FA2H: variants seen among roughly 807,000 people sequenced by gnomAD.
FA2H encodes fatty acid 2-hydroxylase.
Under a neutral mutation model 44.9 loss-of-function variants are expected in FA2H, and 22 were observed. That is an observed-to-expected ratio of 0.49 (90% CI 0.35 to 0.70). The LOEUF (loss-of-function observed/expected upper bound fraction) is 0.70, where lower values mean the gene tolerates loss of function less well. Among genes scored for constraint, FA2H ranks in the 30% least tolerant of loss-of-function variants. The pLI, the probability that FA2H is intolerant of heterozygous loss-of-function variation, is 0.01. For synonymous variants in FA2H, 243 were observed against 213.2 expected (o/e 1.14, Z -1.22); for missense variants, 501 against 504.9 (o/e 0.99, Z 0.07).
chr16:74,741,205 T>A (rs1962288221), intron 1 of FA2H: 1 of 152,204 alleles, frequency 6.6e-6, no homozygotes, highest in African/African-American at 2.4e-5. Flanking sequence ...GCCTTCTCTG[T>A]GTCCTTGTGA....
At chr16:74,753,422 C>T (rs1962563096) in intron 1 of FA2H, among the ~76,000 whole-genome samples, 1 of 152,172 alleles carries the variant, frequency 6.6e-6, no homozygotes, top group Non-Finnish European at 1.5e-5. Flanking sequence ...CGAGGTGGCT[C>T]ATGCCTCCCA....
In FA2H at chr16:74,727,258, G is replaced by A. The variant is rs1961979034; in HGVS notation, c.492C>T (p.Leu164=). ...RLFHSDLIEG[L]SKTVWYSVPI... is the part of the protein sequence containing the mutation. ...GAAGAGCTCACCAGACAGTCTTAGAGAGGCCCTCAATGAGGTCTGAGTGGA... is the reference window on the plus strand; with the variant it reads ...GAAGAGCTCACCAGACAGTCTTAGAAAGGCCCTCAATGAGGTCTGAGTGGA... The change falls in exon 3 of 7, where the codon CTC becomes CTT. Residue 164 remains leucine, a synonymous_variant. Coordinates refer to ENST00000219368, the MANE Select transcript of FA2H (RefSeq NM_024306.5). 1 of 1,614,106 alleles carries A rather than the reference G, an allele frequency of 6.2e-7. No individual in the cohort carries two copies.
At chr16:74,728,402 C>T (rs935730875) in intron 2 of FA2H, among the ~76,000 whole-genome samples, 4 of 151,918 alleles carry the variant, frequency 2.6e-5, no homozygotes, top group African/African-American at 4.8e-5. Context: ...TCACGGTAGG[C>T]GAGGAGGGCT....
chr16:74,774,488 G>C lies in FA2H; in HGVS notation c.268C>G (p.Gln90Glu), dbSNP rs2144672216. ...YYVGELRGEQ[Q>E]GSMENEPVAL... ...GGGGGGCCCCGGCCCGGCTGTACCT[G>C]CTGCTCCCCGCGGAGCTCTCCCACG... is the stretch of plus-strand genomic sequence containing the variant. Residue 90 changes from glutamine (Q) to glutamate (E), a missense_variant and splice_region_variant, in exon 1 of 7, where the codon CAG becomes GAG. By Grantham distance (29) the Gln-to-Glu change is conservative. Coordinates refer to ENST00000219368, the MANE Select transcript of FA2H (RefSeq NM_024306.5). 1 of 1,515,666 alleles carries C rather than the reference G, an allele frequency of 6.6e-7. No individual in the cohort carries two copies. The allele number at this position is 1,515,666 out of a possible 1,614,324, so 93.9% of individuals were successfully genotyped here.
intron 5 of FA2H, among the ~76,000 whole-genome samples, chr16:74,717,261 TGAGAA>T (rs1356713835): frequency 1.3e-5 from 2 of 152,084 alleles, no homozygotes; most frequent in Non-Finnish European, 2.9e-5. Flanking sequence ...GTGAGGAGTC[TGAGAA>T]GAGAATCCTG....
chr16:74,764,837 T>C (rs142388154), intron 1 of FA2H, among the ~76,000 whole-genome samples: 306 of 152,220 alleles, frequency 2.0e-3, no homozygotes, highest in Non-Finnish European at 3.3e-3. Flanking sequence ...TAAACAGGAC[T>C]AGAAACCCAG....
chr16:74,763,360 C>A (rs569544947), intron 1 of FA2H, among the ~76,000 whole-genome samples: 3 of 152,084 alleles, frequency 2.0e-5, no homozygotes, highest in Admixed American at 6.6e-5. Context: ...CAGGTTCAAG[C>A]AATTCTCGTA....
intron 1 of FA2H, among the ~76,000 whole-genome samples, chr16:74,772,104 G>A (rs561202629): frequency 3.3e-5 from 5 of 151,988 alleles, no homozygotes; most frequent in Non-Finnish European, 7.4e-5. Context: ...CACAGCCTAC[G>A]AAGCCCCGTG....
chr16:74,716,727 T>A, intron 5 of FA2H, 128 bp from the exon 6 acceptor site: 2 of 1,099,558 alleles, frequency 1.8e-6, no homozygotes, highest in South Asian at 1.7e-5. Flanking sequence ...GCTTGGCACC[T>A]TTGGTGGCTT....
At chr16:74,724,728 A>G (rs1232023202) in intron 4 of FA2H, among the ~76,000 whole-genome samples, 1 of 152,090 alleles carries the variant, frequency 6.6e-6, no homozygotes, top group Non-Finnish European at 1.5e-5. Flanking sequence ...GGACCTTTAT[A>G]AGACAGGCAC....
rs1962790301 is a variant in FA2H, at chr16:74,765,320, C to T, written c.270+9166G>A. Among the ~76,000 whole-genome samples, 3 of 152,104 alleles carry T rather than the reference C, an allele frequency of 2.0e-5. No individual in the cohort carries two copies. In the South Asian group the frequency reaches 6.2e-4, roughly 32 times the overall value. ...TATAGGCATGCGCCACCACACCTGG[C>T]TAATTTTTGTATTTTTAGTAGAGAC... On this transcript the variant is annotated intron_variant, in intron 1 of 6. Transcript: ENST00000219368.
chr16:74,723,062 C>T (rs1010496101), intron 4 of FA2H, among the ~76,000 whole-genome samples: 2 of 152,230 alleles, frequency 1.3e-5, no homozygotes, highest in Non-Finnish European at 2.9e-5. Context: ...CTACTCTCTT[C>T]TTCAATCTGC....
chr16:74,748,495 A>G (rs1253846150), intron 1 of FA2H, among the ~76,000 whole-genome samples: 1 of 152,064 alleles, frequency 6.6e-6, no homozygotes, highest in Non-Finnish European at 1.5e-5. Context: ...TGATTGCTGG[A>G]CGGGCGGGGG....
chr16:74,767,717 G>A (rs13330763), intron 1 of FA2H, among the ~76,000 whole-genome samples: 11,313 of 152,266 alleles, frequency 0.074, 657 homozygotes, highest in East Asian at 0.32. Flanking sequence ...GCATCCAGAA[G>A]GAATGCTTCC....
intron 4 of FA2H, among the ~76,000 whole-genome samples, chr16:74,719,421 G>A (rs993668173): frequency 2.0e-5 from 3 of 152,228 alleles, no homozygotes; most frequent in African/African-American, 7.2e-5. Flanking sequence ...GGCTGTGGGA[G>A]GAGTGGCTGT....
chr16:74,737,201 T>C (rs993405956), intron 2 of FA2H, among the ~76,000 whole-genome samples: 6 of 152,090 alleles, frequency 3.9e-5, no homozygotes, highest in African/African-American at 9.6e-5. Context: ...GAAAAGGACA[T>C]GGCGAAGTGG....
chr16:74,738,543 C>A (rs1221646578), intron 2 of FA2H, among the ~76,000 whole-genome samples: 1 of 152,208 alleles, frequency 6.6e-6, no homozygotes, highest in Non-Finnish European at 1.5e-5. Context: ...TGTCACATCA[C>A]CCTGATGGCT....
At chr16:74,749,219 T>C (rs1962485663) in intron 1 of FA2H, among the ~76,000 whole-genome samples, 4 of 152,190 alleles carry the variant, frequency 2.6e-5, no homozygotes, top group Admixed American at 6.5e-5. Flanking sequence ...TCCGCTTGCT[T>C]CCATCTTTAA....
intron 1 of FA2H, among the ~76,000 whole-genome samples, chr16:74,772,712 G>T (rs753485961): frequency 1.8e-4 from 27 of 152,228 alleles, no homozygotes; most frequent in Non-Finnish European, 3.4e-4. Context: ...CTTATCCACG[G>T]TTTCACTTTC....
Sources: gnomAD v4.1 joint callset for allele counts (sites outside exome capture counted in the v4.1 genomes callset) on GRCh38, gnomAD v4.1.1 for gene constraint, MANE v1.5 for transcripts, NCBI Gene and HGNC (gene_info 2026-07-23, HGNC 2026-07-21) for gene names.